Variants in ZBTB8A observed in about 807,000 individuals in gnomAD.
The protein encoded by ZBTB8A is zinc finger and BTB domain-containing protein 8A.
A neutral mutation model predicts 37.8 loss-of-function variants in ZBTB8A; 19 were observed. That is an observed-to-expected ratio of 0.50 (90% confidence interval 0.35 to 0.74). The LOEUF is 0.74. Among genes scored for constraint, ZBTB8A ranks in the 30% least tolerant of loss-of-function variants. The pLI is 0.01. For synonymous variants in ZBTB8A, 181 were observed against 185.2 expected, an observed-to-expected ratio of 0.98 and a Z score of 0.19; for missense variants, 394 against 537.8, an observed-to-expected ratio of 0.73 and a Z score of 2.65.
At chr1:32,555,343 G>A (rs1644193072) in intron 2 of ZBTB8A, among the ~76,000 whole-genome samples, 2 of 151,920 alleles carry the variant, frequency 1.3e-5, no homozygotes, top group Admixed American at 6.6e-5. Context: ...GAGCTGAGAC[G>A]GTGCCACTGC....
intron 2 of ZBTB8A, among the ~76,000 whole-genome samples, chr1:32,564,195 T>G (rs1644263440): frequency 6.6e-6 from 1 of 152,194 alleles, no homozygotes; most frequent in Non-Finnish European, 1.5e-5. Context: ...ACTGCTTTAT[T>G]TCTCATTCCT....
In ZBTB8A at chr1:32,582,489, C is replaced by A. The variant is rs111471181; in HGVS notation, c.-1-10442C>A. On this transcript the variant is annotated intron_variant, in intron 2 of 4. Transcript: ENST00000373510. Reference sequence around the variant, plus strand: ...ATGAAGAAACCCTGTCTCTACTAAACATACAAAAATTAGCTGGACATGGTG... The same window carrying A: ...ATGAAGAAACCCTGTCTCTACTAAAAATACAAAAATTAGCTGGACATGGTG... 3.0e-3 allele frequency among the ~76,000 whole-genome samples: 457 copies of A among 152,058 alleles called. 2 individuals carry two copies. Among genetic ancestry groups the A allele is most frequent in the African/African-American group, 0.01 (434 of 41,486 alleles).
At chr1:32,556,531 C>T (rs894986811) in intron 2 of ZBTB8A, among the ~76,000 whole-genome samples, 1 of 152,046 alleles carries the variant, frequency 6.6e-6, no homozygotes, top group Admixed American at 6.6e-5. Flanking sequence ...CATGCCCAGC[C>T]AATTTTTAAA....
intron 2 of ZBTB8A, among the ~76,000 whole-genome samples, chr1:32,578,267 G>C (rs1262851259): frequency 6.7e-6 from 1 of 149,978 alleles, no homozygotes; most frequent in African/African-American, 2.5e-5. Flanking sequence ...TGTAGAGATG[G>C]GATTTTGCCA....
intron 1 of ZBTB8A, among the ~76,000 whole-genome samples, chr1:32,550,188 TA>T (rs1444625627): frequency 1.3e-5 from 2 of 151,890 alleles, no homozygotes; most frequent in Non-Finnish European, 2.9e-5. Context: ...CGAGACCCTT[TA>T]AAAAAAGGAT....
intron 2 of ZBTB8A, among the ~76,000 whole-genome samples, chr1:32,573,796 C>T (rs1192101410): frequency 3.5e-5 from 5 of 143,584 alleles, no homozygotes; most frequent in African/African-American, 7.8e-5. Context: ...TTTTCCTGGC[C>T]GGGCGCAGTG....
At chr1:32,565,930 C>T (rs536085643) in intron 2 of ZBTB8A, among the ~76,000 whole-genome samples, 60 of 151,852 alleles carry the variant, frequency 4.0e-4, no homozygotes, top group Admixed American at 6.6e-4. Context: ...GGCCGGGCAC[C>T]GTGGCTCACG....
chr1:32,596,014 C>T (rs1462796672), intron 4 of ZBTB8A, among the ~76,000 whole-genome samples: 1 of 151,950 alleles, frequency 6.6e-6, no homozygotes, highest in African/African-American at 2.4e-5. Context: ...GGCTCACACA[C>T]GTAATCCCAG....
In ZBTB8A at chr1:32,557,583, C is replaced by CCAGTAGT. The variant is rs1644212836; in HGVS notation, c.-2+4044_-2+4045insAGTAGTC. 1.1e-4 allele frequency among the ~76,000 whole-genome samples: 16 copies of CCAGTAGT among 152,144 alleles called. No individual in the cohort carries two copies. In the South Asian group the frequency reaches 3.3e-3, roughly 32 times the overall value. On this transcript the variant is annotated intron_variant, in intron 2 of 4. Transcript: ENST00000373510. ...GCTCAAGTGATCCTCCCACCTCAGC[C>CCAGTAGT]CCCAAGTAGCTGGGACTACAGGCCC...
chr1:32,542,087 T>C (rs1644060731), intron 1 of ZBTB8A, among the ~76,000 whole-genome samples: 1 of 152,216 alleles, frequency 6.6e-6, no homozygotes, highest in South Asian at 2.1e-4. Context: ...TACTTAATTC[T>C]AAATCTTCCA....
chr1:32,569,415 A>T (rs1644308190), intron 2 of ZBTB8A, among the ~76,000 whole-genome samples: 2 of 99,662 alleles, frequency 2.0e-5, no homozygotes, highest in Admixed American at 1.4e-4. Context: ...TTTTTTTGAG[A>T]CAGAGTCTTG....
intron 2 of ZBTB8A, among the ~76,000 whole-genome samples, chr1:32,590,342 T>A (rs1358489338): frequency 6.6e-6 from 1 of 151,826 alleles, no homozygotes; most frequent in Non-Finnish European, 1.5e-5. Context: ...ACCTAAGGCC[T>A]TTTTTTTCCC....
chr1:32,598,181 C>T (rs1557719435), intron 4 of ZBTB8A, among the ~76,000 whole-genome samples: 3 of 148,734 alleles, frequency 2.0e-5, no homozygotes, highest in East Asian at 4.0e-4. Flanking sequence ...TAATTCCATA[C>T]ATTTTCCTAC....
intron 2 of ZBTB8A, among the ~76,000 whole-genome samples, chr1:32,567,251 C>T (rs1047135164): frequency 5.9e-5 from 9 of 151,984 alleles, no homozygotes; most frequent in East Asian, 1.9e-4. Context: ...AACCAGATCT[C>T]GTAAGAACTC....
chr1:32,544,481 G>A (rs929704610), intron 1 of ZBTB8A, among the ~76,000 whole-genome samples: 6 of 152,200 alleles, frequency 3.9e-5, no homozygotes, highest in South Asian at 2.1e-4. Flanking sequence ...GTGGATCACC[G>A]AGGTCAGGAG....
chr1:32,562,109 T>A (rs934842367), intron 2 of ZBTB8A, among the ~76,000 whole-genome samples: 11 of 149,210 alleles, frequency 7.4e-5, no homozygotes, highest in South Asian at 2.1e-4. Flanking sequence ...GCCAATTTTT[T>A]AATTTTTGTT....
rs552653503 is a variant in ZBTB8A, at chr1:32,545,875, C to T, written c.-84+6303C>T. On this transcript the variant is annotated intron_variant, in intron 1 of 4. Coordinates refer to ENST00000373510, the MANE Select transcript of ZBTB8A (RefSeq NM_001040441.3). ...CAATACTACCAGGTACAATCATTTG[C>T]TTTCTTTGTTTTACAGTTCCCTTCT... Among the ~76,000 whole-genome samples the T allele has an allele frequency of 2.0e-5, 3 of 152,276 alleles. No homozygotes were observed. In the East Asian group the frequency reaches 5.8e-4, roughly 29 times the overall value.
intron 2 of ZBTB8A, among the ~76,000 whole-genome samples, chr1:32,573,066 G>T: frequency 7.1e-6 from 1 of 141,702 alleles, no homozygotes; most frequent in East Asian, 2.0e-4. Flanking sequence ...TAGTTCTCTA[G>T]ATTCTTTTTT....
intron 1 of ZBTB8A, among the ~76,000 whole-genome samples, chr1:32,550,194 AAG>A (rs1460104648): frequency 1.3e-5 from 2 of 151,944 alleles, no homozygotes; most frequent in African/African-American, 4.8e-5. Flanking sequence ...CCTTTAAAAA[AAG>A]GATCCTGAGT....
Sources: allele counts gnomAD v4.1 joint callset (sites outside exome capture counted in the v4.1 genomes callset), GRCh38; gene constraint gnomAD v4.1.1; transcripts MANE v1.5; gene names NCBI Gene and HGNC (gene_info 2026-07-23, HGNC 2026-07-21).